Variants in TIAM2 observed in about 807,000 individuals in gnomAD.
TIAM2 encodes the protein TIAM Rac1 associated GEF 2, also known as rho guanine nucleotide exchange factor TIAM2.
A neutral mutation model predicts 152.9 loss-of-function variants in TIAM2; 80 were observed. The ratio of observed to expected loss-of-function variants is 0.52; its 90% CI spans 0.44 to 0.63. The LOEUF (loss-of-function observed/expected upper bound fraction) is 0.63, where lower values mean the gene tolerates loss of function less well. Among genes scored for constraint, TIAM2 ranks in the 30% least tolerant of loss-of-function variants. The pLI, the probability that TIAM2 is intolerant of heterozygous loss-of-function variation, is 0.00. For missense variants in TIAM2, 1,965 were observed against 2,120.1 expected (o/e 0.93, Z 1.44); for synonymous variants, 804 against 838.0 (o/e 0.96, Z 0.70).
intron 24 of TIAM2, 104 bp downstream of exon 24, chr6:155,253,157 A>C (rs1426840469): frequency 3.2e-6 from 3 of 947,870 alleles, no homozygotes; most frequent in Non-Finnish European, 4.8e-6. Flanking sequence ...GGTGCCTTTT[A>C]TTTTATAGAC....
intron 2 of TIAM2, among the ~76,000 whole-genome samples, chr6:155,090,871 T>C (rs1012428379): frequency 9.9e-5 from 15 of 152,260 alleles, no homozygotes; most frequent in Non-Finnish European, 1.8e-4. Flanking sequence ...ATTCCAACTG[T>C]GACCTTAAGG....
chr6:155,024,103 G>A (rs1406369036), intron 1 of TIAM2, among the ~76,000 whole-genome samples: 2 of 152,134 alleles, frequency 1.3e-5, no homozygotes, highest in East Asian at 3.8e-4. Flanking sequence ...AGCTGAGCTG[G>A]GTTTTGACCT....
intron 7 of TIAM2, among the ~76,000 whole-genome samples, chr6:155,161,688 T>C (rs1364263161): frequency 2.0e-5 from 3 of 150,090 alleles, no homozygotes; most frequent in Non-Finnish European, 4.4e-5. Context: ...CTGCCTCAGC[T>C]TCCTGAGTAG....
At chr6:155,064,753 C>T (rs77043130) in intron 1 of TIAM2, among the ~76,000 whole-genome samples, 1 of 152,102 alleles carries the variant, frequency 6.6e-6, no homozygotes, top group East Asian at 1.9e-4. Context: ...TTCTTTCAGG[C>T]CGCATATTTA....
intron 7 of TIAM2, among the ~76,000 whole-genome samples, chr6:155,153,163 C>T (rs1028108686): frequency 3.9e-5 from 6 of 152,016 alleles, no homozygotes; most frequent in African/African-American, 1.5e-4. Flanking sequence ...TTTTGGTTCT[C>T]CCCTCCCCAT....
chr6:155,160,662 G>A (rs1315422384), intron 7 of TIAM2, among the ~76,000 whole-genome samples: 1 of 152,118 alleles, frequency 6.6e-6, no homozygotes, highest in Non-Finnish European at 1.5e-5. Flanking sequence ...TTGAGAGGCT[G>A]AGTTGGGAGG....
chr6:155,015,944 C>CAAAAAAAAAAA (rs3081689), intron 1 of TIAM2, among the ~76,000 whole-genome samples: 4 of 61,842 alleles, frequency 6.5e-5, no homozygotes, highest in African/African-American at 8.5e-5. Flanking sequence ...TTCAAAAAAC[C>CAAAAAAAAAAA]AAAAAAAAAA....
At chr6:155,120,292 C>A (rs1779122246) in intron 2 of TIAM2, among the ~76,000 whole-genome samples, 1 of 152,222 alleles carries the variant, frequency 6.6e-6, no homozygotes, top group African/African-American at 2.4e-5. Context: ...TCAAAGACGA[C>A]CAGTGAGGCC....
In TIAM2 at chr6:155,169,535, G is replaced by A. The variant is rs13218965; in HGVS notation, c.2361+4126G>A. Among the ~76,000 whole-genome samples, 29 of 152,198 alleles carry A rather than the reference G, an allele frequency of 1.9e-4. 1 individual carries two copies. The Middle Eastern group carries it at 0.017, about 89-fold the overall frequency. The stretch of plus-strand genomic sequence containing the variant: ...CTATTCCTCAGCAGTACTTACCTTC[G>A]TTTGAGAGTTCAGTGAATACAAAAT... On this transcript the variant is annotated intron_variant, in intron 9 of 26. Transcript: ENST00000682666.
intron 1 of TIAM2, among the ~76,000 whole-genome samples, chr6:155,085,823 C>G (rs1562311144): frequency 6.6e-6 from 1 of 152,362 alleles, no homozygotes. Context: ...ATTGATGACT[C>G]TGTCCACACG....
At chr6:155,215,700 C>T (rs1037794854) in intron 15 of TIAM2, among the ~76,000 whole-genome samples, 10 of 143,890 alleles carry the variant, frequency 6.9e-5, no homozygotes, top group Admixed American at 1.4e-4. Flanking sequence ...TTTTCTGTTC[C>T]GTGGTTTTTT....
chr6:155,173,542 CTA>C (rs1780686515), intron 9 of TIAM2, among the ~76,000 whole-genome samples: 1 of 152,320 alleles, frequency 6.6e-6, no homozygotes, highest in Admixed American at 6.5e-5. Context: ...GAACTTGACA[CTA>C]TGTCAACAGA....
At chr6:155,071,129 C>T (rs747534848) in intron 1 of TIAM2, among the ~76,000 whole-genome samples, 1 of 152,036 alleles carries the variant, frequency 6.6e-6, no homozygotes. Flanking sequence ...GCCATGATCA[C>T]ACCACTGCGC....
At chr6:155,038,931 A>T (rs1776969384) in intron 1 of TIAM2, among the ~76,000 whole-genome samples, 1 of 134,126 alleles carries the variant, frequency 7.5e-6, no homozygotes, top group Non-Finnish European at 1.6e-5. Flanking sequence ...TGGGTGACGG[A>T]GCGAGAGCCT....
At chr6:155,122,437 GA>G (rs1422429710) in intron 2 of TIAM2, among the ~76,000 whole-genome samples, 11 of 142,216 alleles carry the variant, frequency 7.7e-5, no homozygotes, top group African/African-American at 3.0e-4. Context: ...ATGGAGAATG[GA>G]AGGCAGGATT....
chr6:155,104,194 C>T (rs930491384), intron 2 of TIAM2, among the ~76,000 whole-genome samples: 1 of 152,026 alleles, frequency 6.6e-6, no homozygotes, highest in Non-Finnish European at 1.5e-5. Context: ...GTGCTGCCGC[C>T]TGTTGCTGGC....
At chr6:155,151,789 G>A (rs1381441608) in intron 7 of TIAM2, among the ~76,000 whole-genome samples, 5 of 150,490 alleles carry the variant, frequency 3.3e-5, no homozygotes, top group Admixed American at 6.6e-5. Context: ...CATGGAAAAT[G>A]TATAACAGGG....
At chr6:155,047,327 G>A (rs113659649) in intron 1 of TIAM2, among the ~76,000 whole-genome samples, 1,842 of 152,024 alleles carry the variant, frequency 0.012, 37 homozygotes, top group African/African-American at 0.042. Context: ...TACAGGCTGC[G>A]CGCCACCACA....
At chr6:155,035,341 C>T (rs1776903272) in intron 1 of TIAM2, among the ~76,000 whole-genome samples, 1 of 151,920 alleles carries the variant, frequency 6.6e-6, no homozygotes, top group African/African-American at 2.4e-5. Flanking sequence ...CCTGCCTCAG[C>T]TTCCCGAGTA....
Sources: allele counts gnomAD v4.1 joint callset (sites outside exome capture counted in the v4.1 genomes callset), GRCh38; gene constraint gnomAD v4.1.1; transcripts MANE v1.5; gene names NCBI Gene and HGNC (gene_info 2026-07-23, HGNC 2026-07-21).